Variants in OSBP2 observed in about 807,000 individuals in gnomAD.
OSBP2 encodes the protein oxysterol binding protein 2.
In OSBP2, 66 loss-of-function variants were observed where a neutral mutation model predicts 96.0. That is an observed-to-expected ratio of 0.69 (90% CI 0.56 to 0.84). The LOEUF (loss-of-function observed/expected upper bound fraction) is 0.84. Among genes scored for constraint, OSBP2 ranks in the 40% least tolerant of loss-of-function variants. The probability of loss-of-function intolerance (pLI) is 0.00; values close to 1 mark genes in which losing one functional copy is unlikely to be tolerated. For missense variants in OSBP2, 1,038 were observed against 1,222.7 expected (o/e 0.85, Z 2.25); for synonymous variants, 525 against 520.9 (o/e 1.01, Z -0.11).
At chr22:30,727,878 G>A (rs2089677104) in intron 1 of OSBP2, among the ~76,000 whole-genome samples, 1 of 151,876 alleles carries the variant, frequency 6.6e-6, no homozygotes, top group Non-Finnish European at 1.5e-5. Context: ...AGGCTGAGGC[G>A]GGTGGATCAC....
At chr22:30,817,309 A>T (rs1455325429) in intron 2 of OSBP2, among the ~76,000 whole-genome samples, 1 of 152,178 alleles carries the variant, frequency 6.6e-6, no homozygotes, top group Non-Finnish European at 1.5e-5. Flanking sequence ...TCTCCAGACA[A>T]ACACAGAGAA....
intron 2 of OSBP2, among the ~76,000 whole-genome samples, chr22:30,744,224 G>A (rs578085601): frequency 6.6e-6 from 1 of 152,268 alleles, no homozygotes; most frequent in East Asian, 1.9e-4. Context: ...AAGCTCTCAG[G>A]CTGATGTGAG....
chr22:30,712,348 G>A (rs748344279), intron 1 of OSBP2, among the ~76,000 whole-genome samples: 5 of 152,148 alleles, frequency 3.3e-5, no homozygotes, highest in Non-Finnish European at 5.9e-5. Flanking sequence ...GAACTGAAAT[G>A]TGCTCAAGCC....
At chr22:30,747,104 C>A (rs181460059) in intron 2 of OSBP2, among the ~76,000 whole-genome samples, 70 of 152,276 alleles carry the variant, frequency 4.6e-4, no homozygotes, top group Middle Eastern at 3.4e-3. Context: ...GAAAAACGAT[C>A]TGACAAATAT....
In OSBP2 at chr22:30,781,640, C is replaced by T. The variant is rs563912711; in HGVS notation, c.853+40271C>T. Among the ~76,000 whole-genome samples, 12 of 152,284 alleles carry T rather than the reference C, an allele frequency of 7.9e-5. No homozygotes were observed. The East Asian group carries it at 9.7e-4, about 12-fold the overall frequency. ...GACTCAAATGGGCTGACCAGGGAGC[C>T]GCATCTGCCCAGTAGGGGAAGGTGG... is the stretch of plus-strand genomic sequence containing the variant. On this transcript the variant is annotated intron_variant, in intron 2 of 13. Transcript: ENST00000332585.
chr22:30,894,347 AG>A (rs35859948), intron 12 of OSBP2: 4 of 228,442 alleles, frequency 1.8e-5, no homozygotes, highest in African/African-American at 6.9e-5. Flanking sequence ...AATTCGACAA[AG>A]GGAAAAAAAA....
intron 2 of OSBP2, among the ~76,000 whole-genome samples, chr22:30,824,348 C>T (rs563445075): frequency 3.3e-5 from 5 of 152,202 alleles, no homozygotes; most frequent in African/African-American, 7.2e-5. Context: ...GGCCCAGCGG[C>T]GAGTGCAGCA....
intron 2 of OSBP2, among the ~76,000 whole-genome samples, chr22:30,746,183 C>G (rs935897289): frequency 6.6e-6 from 1 of 151,988 alleles, no homozygotes; most frequent in Non-Finnish European, 1.5e-5. Context: ...CTTTGGGAGG[C>G]CTAGGAGGGA....
chr22:30,731,780 G>C (rs1029109336), intron 1 of OSBP2: 5 of 153,958 alleles, frequency 3.2e-5, no homozygotes, highest in Non-Finnish European at 7.3e-5. Flanking sequence ...TGGCCCACTG[G>C]GGTTACCAGG....
rs1308712928 is a variant in OSBP2, at chr22:30,695,493, A to G, written c.584A>G (p.Tyr195Cys). ...FEGWLLKWTN[Y>C]LKGYQRRWFV... ...GGCTGGCTTCTCAAGTGGACCAACT[A>G]TCTGAAGGGCTACCAGCGCCGCTGG... The change falls in exon 1 of 14, where the codon TAT becomes TGT. Residue 195 changes from tyrosine (Y) to cysteine (C), a missense_variant. Physicochemically the swap from Tyr to Cys is radical, Grantham distance 194 (BLOSUM62 -2). Coordinates refer to ENST00000332585, the MANE Select transcript of OSBP2 (RefSeq NM_030758.4). The G allele has an allele frequency of 1.2e-6, 2 of 1,613,148 alleles. No individual in the cohort carries two copies. The highest frequency in any genetic ancestry group is 1.7e-6 in the Non-Finnish European group (2 of 1,180,006).
At chr22:30,861,136 G>A (rs1051633720) in intron 2 of OSBP2, among the ~76,000 whole-genome samples, 3 of 152,172 alleles carry the variant, frequency 2.0e-5, no homozygotes, top group East Asian at 1.9e-4. Flanking sequence ...CTCTCTAGCC[G>A]GCCCGGGGGT....
intron 1 of OSBP2, among the ~76,000 whole-genome samples, chr22:30,717,149 C>T (rs2089476193): frequency 6.8e-6 from 1 of 146,656 alleles, no homozygotes; most frequent in Admixed American, 6.9e-5. Context: ...CAGGGTCTCG[C>T]TATGTTGCTC....
intron 2 of OSBP2, among the ~76,000 whole-genome samples, chr22:30,811,498 A>G (rs1428594354): frequency 6.6e-6 from 1 of 151,408 alleles, no homozygotes; most frequent in Non-Finnish European, 1.5e-5. Flanking sequence ...GGCATGCACC[A>G]CCATGCGTGG....
At chr22:30,874,872 C>T (rs2039544606) in intron 3 of OSBP2, among the ~76,000 whole-genome samples, 1 of 152,174 alleles carries the variant, frequency 6.6e-6, no homozygotes, top group Admixed American at 6.5e-5. Context: ...CTTGGGCAGC[C>T]GTCCTCTTGG....
chr22:30,806,318 G>A (rs1028950656), intron 2 of OSBP2, among the ~76,000 whole-genome samples: 3 of 152,174 alleles, frequency 2.0e-5, no homozygotes, highest in African/African-American at 4.8e-5. Flanking sequence ...TCACATTGGG[G>A]TGAGAGCGCC....
At chr22:30,728,804 A>AT (rs1485692778) in intron 1 of OSBP2, among the ~76,000 whole-genome samples, 2 of 152,148 alleles carry the variant, frequency 1.3e-5, no homozygotes, top group Non-Finnish European at 2.9e-5. Context: ...CCAGGTTCTT[A>AT]TATGTAACTA....
At chr22:30,808,918 C>G (rs1210313065) in intron 2 of OSBP2, among the ~76,000 whole-genome samples, 1 of 152,138 alleles carries the variant, frequency 6.6e-6, no homozygotes, top group Non-Finnish European at 1.5e-5. Flanking sequence ...TGTGCCACTG[C>G]ACTCCAGCCT....
intron 2 of OSBP2, among the ~76,000 whole-genome samples, chr22:30,777,933 A>C (rs2090457233): frequency 6.6e-6 from 1 of 152,174 alleles, no homozygotes; most frequent in Non-Finnish European, 1.5e-5. Flanking sequence ...ATCCTCCACT[A>C]TTCACTTCAA....
At position 30,778,169 on chromosome 22, in the gene OSBP2, C is replaced by CTTTTTTTTTTTTTTTTTTTTTTTT. The variant is rs1569119423; in HGVS notation, c.853+36800_853+36801insTTTTTTTTTTTTTTTTTTTTTTTT. Among the ~76,000 whole-genome samples, 2 of 124,184 alleles carry CTTTTTTTTTTTTTTTTTTTTTTTT rather than the reference C, an allele frequency of 1.6e-5. 1 individual carries two copies. The highest frequency in any genetic ancestry group is 3.3e-5 in the Non-Finnish European group (2 of 59,946). The allele number at this position is 124,184 out of a possible 152,430, so 81.5% of individuals were successfully genotyped here. A position where few individuals can be genotyped will look rare whatever the true frequency, so the allele number is the denominator to read the frequency against. ...ACCAGCATGCCCGGCTAATTTTTGC[C>CTTTTTTTTTTTTTTTTTTTTTTTT]CTTTTTTTTTTTTTTTTTTTTAGTA... On this transcript the variant is annotated intron_variant, in intron 2 of 13. Transcript: ENST00000332585.
Sources: gnomAD v4.1 joint callset for allele counts (sites outside exome capture counted in the v4.1 genomes callset) on GRCh38, gnomAD v4.1.1 for gene constraint, MANE v1.5 for transcripts, NCBI Gene and HGNC (gene_info 2026-07-23, HGNC 2026-07-21) for gene names.